Variants in SGK2 observed in about 807,000 individuals in gnomAD.
The protein encoded by SGK2 is serum/glucocorticoid regulated kinase 2.
SGK2 carries 36 observed loss-of-function variants against 47.5 expected under a neutral mutation model. The ratio of observed to expected loss-of-function variants is 0.76; its 90% confidence interval spans 0.58 to 1.00. The LOEUF is 1.00. SGK2 is among the 50% of genes least tolerant of loss of function. The pLI is 0.00. For missense variants in SGK2, 404 were observed against 467.4 expected (o/e 0.86, Z 1.25); for synonymous variants, 157 against 181.9 (o/e 0.86, Z 1.10).
rs143534782 is a variant in SGK2, at chr20:43,573,089, A to G, written c.597+952A>G. Among the ~76,000 whole-genome samples the G allele has an allele frequency of 1.2e-3, 190 of 152,344 alleles. 1 individual carries two copies. The highest frequency in any genetic ancestry group is 4.4e-3 in the African/African-American group (183 of 41,578). On this transcript the variant is annotated intron_variant, in intron 9 of 12. Transcript: ENST00000373100. ...AAGTGTAAACCACAGGTCCGTGTCC[A>G]TCTTCCAGCTGCCAAGAGCCTGGAG...
chr20:43,567,558 C>T, intron 3 of SGK2, 107 bp from the exon 4 acceptor site: 3 of 1,014,780 alleles, frequency 3.0e-6, no homozygotes, highest in East Asian at 2.4e-5. Flanking sequence ...CTGGAAGGCT[C>T]TCTGTATTTC....
chr20:43,561,335 A>G (rs1333492688), intron 1 of SGK2, among the ~76,000 whole-genome samples: 1 of 150,960 alleles, frequency 6.6e-6, no homozygotes, highest in Non-Finnish European at 1.5e-5. Context: ...GAGGAGATGG[A>G]GACAGCAAGC....
Position 43,576,267 on chromosome 20 carries a change from T to G in SGK2, c.737T>G (p.Ile246Ser). Reference protein sequence around the residue: ...SQDVSQMYENILHQPLQIPGG... With the variant: ...SQDVSQMYENSLHQPLQIPGG... ...GATGTATCCCAGATGTATGAGAACA[T>G]TCTGCACCAGCCGCTACAGATCCCC... is the stretch of plus-strand genomic sequence containing the variant. The change falls in exon 11 of 13, where the codon ATT (isoleucine) becomes AGT (serine). Residue 246 changes from isoleucine (I) to serine (S), a missense_variant. Ile to Ser is a moderately radical substitution (Grantham distance 142). Coordinates refer to ENST00000373100, the MANE Select transcript of SGK2 (RefSeq NM_170693.3). The G allele has an allele frequency of 6.2e-7, 1 of 1,614,162 alleles. No individual in the cohort carries two copies. Among genetic ancestry groups the G allele is most frequent in the Non-Finnish European group, 8.5e-7 (1 of 1,180,020 alleles).
intron 9 of SGK2, among the ~76,000 whole-genome samples, chr20:43,574,165 A>G (rs1020560501): frequency 5.3e-5 from 8 of 152,134 alleles, no homozygotes; most frequent in Non-Finnish European, 8.8e-5. Context: ...CCTAGACCCC[A>G]CACAGTCTCT....
chr20:43,566,425 A>G (rs1345668040), intron 1 of SGK2, 48 bp from the exon 2 acceptor site: 1 of 1,613,288 alleles, frequency 6.2e-7, no homozygotes, highest in Non-Finnish European at 8.5e-7. Flanking sequence ...GGCGGAGCTG[A>G]CCCCCCAACA....
intron 12 of SGK2, among the ~76,000 whole-genome samples, chr20:43,581,760 C>A (rs933638671): frequency 1.3e-5 from 2 of 152,016 alleles, no homozygotes; most frequent in Non-Finnish European, 2.9e-5. Context: ...AACTCCTGGC[C>A]CCGAGTGATC....
In SGK2 at chr20:43,567,673, C is replaced by T; in HGVS notation, c.95C>T (p.Pro32Leu). ...LGPSANPNAQPTDFDFLKVIG... is the reference protein window; with the variant it reads ...LGPSANPNAQLTDFDFLKVIG... ...TTTCCCTCTTCCCCCAGTGCCCAGC[C>T]CACGGACTTCGACTTCCTCAAAGTC... The change falls in exon 4 of 13, where the codon CCC becomes CTC. Residue 32 changes from proline to leucine, a missense_variant. Transcript: ENST00000373100. 1 of 1,614,156 alleles carries T rather than the reference C, an allele frequency of 6.2e-7. No homozygotes were observed. Among genetic ancestry groups the T allele is most frequent in the Non-Finnish European group, 8.5e-7 (1 of 1,180,018 alleles).
In SGK2 at chr20:43,567,768, A is replaced by G. The variant is rs771119789; in HGVS notation, c.144+46A>G. The G allele has an allele frequency of 1.5e-5, 24 of 1,592,834 alleles. No homozygotes were observed. In the East Asian group the frequency reaches 2.7e-4, roughly 18 times the overall value. ...GGGAAGCCTGGGTCTTCCCTTCTGC[A>G]GCCTCTTCCAGCCCCTGCTGCCACT... On this transcript the variant is annotated intron_variant, in intron 4 of 12. Transcript: ENST00000373100.
chr20:43,585,046 C>T lies in SGK2; in HGVS notation c.*30C>T. On this transcript the variant is annotated 3_prime_UTR_variant, in exon 13 of 13. Transcript: ENST00000373100. ...GAAGGACCTGTGAAACTACTGAGGC[C>T]AGCTGGTATTAGTAAGGAATTACCT... The T allele has an allele frequency of 1.3e-6, 2 of 1,596,108 alleles. No homozygotes were observed. The highest frequency in any genetic ancestry group is 1.7e-6 in the Non-Finnish European group (2 of 1,168,262).
chr20:43,583,086 T>A, intron 12 of SGK2: 1 of 980,000 alleles, frequency 1.0e-6, no homozygotes, highest in South Asian at 1.6e-5. Context: ...CGAAACAGCC[T>A]GCATATCAAA....
intron 11 of SGK2, among the ~76,000 whole-genome samples, chr20:43,578,836 A>G (rs1980620497): frequency 6.6e-6 from 1 of 152,196 alleles, no homozygotes; most frequent in Non-Finnish European, 1.5e-5. Flanking sequence ...CTCCTGTTCC[A>G]AGCAAAAATT....
intron 6 of SGK2, 76 bp from the exon 7 acceptor site, chr20:43,570,541 C>A: frequency 1.1e-6 from 1 of 939,030 alleles, no homozygotes; most frequent in Non-Finnish European, 1.6e-6. Flanking sequence ...CGCAGCCGCA[C>A]AGGGCGGGGA....
chr20:43,578,615 G>A (rs952323381), intron 11 of SGK2, among the ~76,000 whole-genome samples: 9 of 152,162 alleles, frequency 5.9e-5, no homozygotes, highest in African/African-American at 1.9e-4. Flanking sequence ...TTTCCCCATT[G>A]TAATAACAGC....
chr20:43,582,787 A>T (rs1186749504), intron 12 of SGK2, among the ~76,000 whole-genome samples: 1 of 152,102 alleles, frequency 6.6e-6, no homozygotes, highest in Non-Finnish European at 1.5e-5. Flanking sequence ...CTCCAGGTTC[A>T]AGCAATTCTC....
chr20:43,564,741 C>T (rs983893544), intron 1 of SGK2: 19 of 152,634 alleles, frequency 1.2e-4, no homozygotes, highest in African/African-American at 4.6e-4. Flanking sequence ...ATATGCACAC[C>T]ACACACACTG....
intron 1 of SGK2, 46 bp from the exon 2 acceptor site, chr20:43,566,427 C>T (rs775405535): frequency 1.2e-6 from 2 of 1,613,938 alleles, no homozygotes; most frequent in East Asian, 4.5e-5. Flanking sequence ...CGGAGCTGAC[C>T]CCCCAACACC....
chr20:43,562,417 CAAAAAA>C (rs111670042), intron 1 of SGK2, among the ~76,000 whole-genome samples: 1 of 49,938 alleles, frequency 2.0e-5, no homozygotes, highest in Non-Finnish European at 3.8e-5. Flanking sequence ...AACCATGTCT[CAAAAAA>C]AAAAAAAAAA....
intron 1 of SGK2, among the ~76,000 whole-genome samples, chr20:43,559,377 A>G (rs1979259060): frequency 6.6e-6 from 1 of 151,318 alleles, no homozygotes; most frequent in Non-Finnish European, 1.5e-5. Flanking sequence ...TAACTAACCA[A>G]CTTACATCCT....
At chr20:43,584,503 T>C (rs1048096948) in intron 12 of SGK2, among the ~76,000 whole-genome samples, 22 of 152,188 alleles carry the variant, frequency 1.4e-4, no homozygotes, top group African/African-American at 5.3e-4. Context: ...TTTGTACATA[T>C]GCTTATTATC....
Sources: gnomAD v4.1 joint callset for allele counts (sites outside exome capture counted in the v4.1 genomes callset) on GRCh38, gnomAD v4.1.1 for gene constraint, MANE v1.5 for transcripts, NCBI Gene and HGNC (gene_info 2026-07-23, HGNC 2026-07-21) for gene names.